RBFOX1: variants seen among roughly 807,000 people sequenced by gnomAD.
The protein encoded by RBFOX1 is RNA binding fox-1 homolog 1.
RBFOX1 carries 8 observed loss-of-function variants against 57.7 expected under a neutral mutation model. The ratio of observed to expected loss-of-function variants is 0.14; its 90% CI spans 0.08 to 0.25. RBFOX1 has a LOEUF of 0.25. RBFOX1 is among the 10% of genes least tolerant of loss of function. The pLI, the probability that RBFOX1 is intolerant of heterozygous loss-of-function variation, is 1.00. For synonymous variants in RBFOX1, 326 were observed against 222.4 expected (o/e 1.47, Z -4.15); for missense variants, 611 against 548.5 (o/e 1.11, Z -1.14).
At chr16:7,701,274 T>A (rs1229346041) in intron 14 of RBFOX1, among the ~76,000 whole-genome samples, 2 of 149,148 alleles carry the variant, frequency 1.3e-5, no homozygotes, top group Admixed American at 1.3e-4. Flanking sequence ...AGGTCAGGGG[T>A]CCCCAACTGG....
intron 1 of RBFOX1, among the ~76,000 whole-genome samples, chr16:6,197,564 C>G (rs562507729): frequency 1.4e-4 from 21 of 152,082 alleles, no homozygotes; most frequent in East Asian, 7.7e-4. Flanking sequence ...TTCTGTTTCC[C>G]GCAAAGACAA....
intron 2 of RBFOX1, among the ~76,000 whole-genome samples, chr16:5,548,268 T>TGG (rs143643110): frequency 0.018 from 2,685 of 147,742 alleles, 99 homozygotes; most frequent in African/African-American, 0.063. Flanking sequence ...AAACTAACTG[T>TGG]GGGGTACTAT....
chr16:6,294,151 C>T (rs1363018908), intron 1 of RBFOX1, among the ~76,000 whole-genome samples: 3 of 152,078 alleles, frequency 2.0e-5, no homozygotes, highest in Admixed American at 6.6e-5. Flanking sequence ...CACTGCACTC[C>T]AGCCTGAGCG....
At chr16:5,964,043 T>C (rs2059800151) in intron 4 of RBFOX1, among the ~76,000 whole-genome samples, 1 of 152,130 alleles carries the variant, frequency 6.6e-6, no homozygotes, top group Non-Finnish European at 1.5e-5. Context: ...TAAAAAGTAG[T>C]ACAACTCAGT....
rs774817694 is a variant in RBFOX1, at chr16:5,467,266, T to C, written c.258+12T>C. On this transcript the variant is annotated intron_variant, in intron 2 of 2. Coordinates refer to the RBFOX1 transcript ENST00000585867. ...TGGTTGAGGGTCAGGTAAGTGCTCA[T>C]TTTGTCCTGACTTAGGATGTCTGTG... The C allele has an allele frequency of 7.4e-6, 11 of 1,488,532 alleles. No individual in the cohort carries two copies. In the South Asian group the frequency reaches 1.3e-4, roughly 18 times the overall value. 92.2% of individuals were successfully genotyped at this position (1,488,532 alleles called of 1,614,324 possible).
rs535711384 is a variant in RBFOX1 at position 5,510,983 on chromosome 16, A to G, written c.258+43729A>G. Among the ~76,000 whole-genome samples, 3 of 152,040 alleles carry G rather than the reference A, an allele frequency of 2.0e-5. No homozygotes were observed. In the East Asian group the frequency reaches 5.8e-4, roughly 29 times the overall value. ...GCCTTGTATAATCCACATGACTATT[A>G]TTTTTCCTTTACTGTTTTACTTACG... On this transcript the variant is annotated intron_variant, in intron 2 of 2. Coordinates refer to the RBFOX1 transcript ENST00000585867.
chr16:6,388,804 A>G (rs976259304), intron 2 of RBFOX1, among the ~76,000 whole-genome samples: 1 of 152,222 alleles, frequency 6.6e-6, no homozygotes, highest in Non-Finnish European at 1.5e-5. Context: ...CCTGGAGGAC[A>G]TTCGGCTAAA....
intron 3 of RBFOX1, among the ~76,000 whole-genome samples, chr16:5,796,639 G>A (rs573725442): frequency 2.0e-5 from 3 of 152,304 alleles, no homozygotes; most frequent in Admixed American, 6.5e-5. Context: ...CACTTACGGT[G>A]CTGACTGTTT....
intron 4 of RBFOX1, among the ~76,000 whole-genome samples, chr16:7,417,622 C>T (rs1394113372): frequency 6.6e-6 from 1 of 151,968 alleles, no homozygotes; most frequent in African/African-American, 2.4e-5. Context: ...AGCCAACATA[C>T]ATCATAGCTC....
chr16:7,577,846 G>A (rs1162005316), intron 5 of RBFOX1, among the ~76,000 whole-genome samples: 1 of 152,216 alleles, frequency 6.6e-6, no homozygotes, highest in Non-Finnish European at 1.5e-5. Context: ...AGTGAGCCGT[G>A]ATTGTGCCAT....
At chr16:6,502,581 C>T (rs149124097) in intron 2 of RBFOX1, among the ~76,000 whole-genome samples, 1 of 152,144 alleles carries the variant, frequency 6.6e-6, no homozygotes, top group Non-Finnish European at 1.5e-5. Flanking sequence ...TTATTAACTA[C>T]TATGAGAGAG....
chr16:5,545,312 T>C (rs1402316113), intron 2 of RBFOX1, among the ~76,000 whole-genome samples: 1 of 151,852 alleles, frequency 6.6e-6, no homozygotes, highest in East Asian at 1.9e-4. Flanking sequence ...AGAAATAATA[T>C]CAGTTCTATA....
chr16:6,926,809 G>C (rs1170113305), intron 3 of RBFOX1, among the ~76,000 whole-genome samples: 1 of 152,134 alleles, frequency 6.6e-6, no homozygotes, highest in Non-Finnish European at 1.5e-5. Context: ...TTATCGTTTT[G>C]ATCTTTCTGT....
intron 1 of RBFOX1, chr16:5,366,307 A>G (rs11076914): frequency 0.41 from 145,313 of 355,630 alleles, 31,120 homozygotes; most frequent in Non-Finnish European, 0.44. Context: ...TTTGATGATG[A>G]TGAAGATGAT....
At chr16:6,253,029 AG>A (rs2097632562) in intron 1 of RBFOX1, among the ~76,000 whole-genome samples, 1 of 152,162 alleles carries the variant, frequency 6.6e-6, no homozygotes, top group African/African-American at 2.4e-5. Flanking sequence ...TTTACAGATA[AG>A]GGTGCTGAAT....
chr16:5,889,121 C>T (rs971457654), intron 4 of RBFOX1, among the ~76,000 whole-genome samples: 16 of 152,106 alleles, frequency 1.1e-4, no homozygotes, highest in Admixed American at 8.5e-4. Flanking sequence ...TTGTGAGGTC[C>T]ATGTGTAGGA....
intron 3 of RBFOX1, among the ~76,000 whole-genome samples, chr16:5,784,332 C>A (rs1022254953): frequency 1.3e-5 from 2 of 152,000 alleles, no homozygotes; most frequent in Non-Finnish European, 2.9e-5. Context: ...GAGGCTGAGG[C>A]AGGAGAATGG....
chr16:6,143,189 A>G (rs181020182), intron 1 of RBFOX1, among the ~76,000 whole-genome samples: 1 of 152,226 alleles, frequency 6.6e-6, no homozygotes, highest in Admixed American at 6.5e-5. Flanking sequence ...CTTCAGGAAT[A>G]ACTTGTAAGA....
At chr16:7,418,388 C>T (rs931108443) in intron 4 of RBFOX1, among the ~76,000 whole-genome samples, 1 of 152,180 alleles carries the variant, frequency 6.6e-6, no homozygotes, top group Non-Finnish European at 1.5e-5. Flanking sequence ...TTGATACTTG[C>T]CCATGTCCCA....
Sources: allele counts gnomAD v4.1 joint callset (sites outside exome capture counted in the v4.1 genomes callset), GRCh38; gene constraint gnomAD v4.1.1; transcripts MANE v1.5; gene names NCBI Gene and HGNC (gene_info 2026-07-23, HGNC 2026-07-21).